The following PARD3B variants were observed in gnomAD, a reference collection of about 807,000 sequenced individuals.
The protein encoded by PARD3B is partitioning defective 3 homolog B.
Under a neutral mutation model 130.2 loss-of-function variants are expected in PARD3B, and 103 were observed. The ratio of observed to expected loss-of-function variants is 0.79; its 90% CI spans 0.67 to 0.93. The LOEUF is 0.93. Ranked by LOEUF, PARD3B falls within the 40% of genes least tolerant of loss-of-function variation. The probability of loss-of-function intolerance (pLI) is 0.00; values close to 1 mark genes in which losing one functional copy is unlikely to be tolerated. For missense variants in PARD3B, 1,609 were observed against 1,499.2 expected, an observed-to-expected ratio of 1.07 and a Z score of -1.21; for synonymous variants, 583 against 553.2, an observed-to-expected ratio of 1.05 and a Z score of -0.76.
intron 18 of PARD3B, among the ~76,000 whole-genome samples, chr2:205,338,353 G>A (rs935762624): frequency 6.6e-6 from 1 of 151,974 alleles, no homozygotes; most frequent in African/African-American, 2.4e-5. Flanking sequence ...TTTCCACTTT[G>A]TCATCTGTTC....
At chr2:205,284,829 C>A (rs2041328391) in intron 16 of PARD3B, among the ~76,000 whole-genome samples, 1 of 151,996 alleles carries the variant, frequency 6.6e-6, no homozygotes, top group South Asian at 2.1e-4. Context: ...TTATTTTTCC[C>A]CCCATGGCTA....
chr2:205,091,967 T>C lies in PARD3B; in HGVS notation c.505-12459T>C, dbSNP rs1702138772. 1.3e-5 allele frequency among the ~76,000 whole-genome samples: 2 copies of C among 152,266 alleles called. No individual in the cohort carries two copies. Among genetic ancestry groups the C allele is most frequent in the South Asian group, 4.2e-4 (2 of 4,816 alleles). Reference sequence around the variant, plus strand: ...GGTTTGCTAGCCCTGTTATTTCTCATTTGATGATATAGTTTTGTTGAATAA... The same window carrying C: ...GGTTTGCTAGCCCTGTTATTTCTCACTTGATGATATAGTTTTGTTGAATAA... On this transcript the variant is annotated intron_variant, in intron 4 of 22. Coordinates refer to ENST00000406610, the MANE Select transcript of PARD3B (RefSeq NM_001302769.2). The surrounding 1 kb of genome is among the most constrained non-coding windows in gnomAD (Gnocchi z 4.2).
intron 3 of PARD3B, among the ~76,000 whole-genome samples, chr2:205,007,510 A>G (rs1256519090): frequency 6.6e-6 from 1 of 151,732 alleles, no homozygotes; most frequent in African/African-American, 2.4e-5. Flanking sequence ...TTATTTCTGG[A>G]TTCTCTATTC....
chr2:205,571,885 G>A (rs2106549091), intron 22 of PARD3B, among the ~76,000 whole-genome samples: 1 of 152,308 alleles, frequency 6.6e-6, no homozygotes, highest in East Asian at 1.9e-4. Flanking sequence ...TTATGCATAG[G>A]AAGAAAGTTA....
chr2:205,526,147 A>G (rs944354508), intron 21 of PARD3B, among the ~76,000 whole-genome samples: 1 of 152,176 alleles, frequency 6.6e-6, no homozygotes, highest in African/African-American at 2.4e-5. Flanking sequence ...AATCTTGAAC[A>G]TAGATTCTGT....
intron 2 of PARD3B, among the ~76,000 whole-genome samples, chr2:204,804,550 A>G (rs2042695472): frequency 6.6e-6 from 1 of 152,180 alleles, no homozygotes; most frequent in Non-Finnish European, 1.5e-5. Flanking sequence ...ATAGCTGGAG[A>G]CTTCACTCTG....
chr2:204,971,833 A>AT (rs1691740097), intron 3 of PARD3B, among the ~76,000 whole-genome samples: 2 of 120,138 alleles, frequency 1.7e-5, no homozygotes, highest in Admixed American at 7.8e-5. Context: ...GTTTTGTTTT[A>AT]ATTTTTTTTT....
At chr2:204,915,926 T>A (rs748773810) in intron 2 of PARD3B, among the ~76,000 whole-genome samples, 30 of 152,210 alleles carry the variant, frequency 2.0e-4, no homozygotes, top group Non-Finnish European at 3.8e-4. Context: ...TGGCTGTGAA[T>A]TTGACTGCTG....
intron 4 of PARD3B, among the ~76,000 whole-genome samples, chr2:205,076,720 C>A (rs1426988487): frequency 6.6e-6 from 1 of 152,108 alleles, no homozygotes; most frequent in Non-Finnish European, 1.5e-5. Context: ...TTACGAGAAT[C>A]TAACTAATGC....
rs185492878 is a variant in PARD3B, at chr2:205,366,469, G to A, written c.2631-34544G>A. Among the ~76,000 whole-genome samples, 11 of 152,234 alleles carry A rather than the reference G, an allele frequency of 7.2e-5. No individual in the cohort carries two copies. Among genetic ancestry groups the A allele is most frequent in the Admixed American group, 1.3e-4 (2 of 15,286 alleles). On this transcript the variant is annotated intron_variant, in intron 18 of 22. Coordinates refer to ENST00000406610, the MANE Select transcript of PARD3B (RefSeq NM_001302769.2). This position sits in a 1 kb window ranked among gnomAD's most constrained non-coding sequence, Gnocchi z 5.0. The stretch of plus-strand genomic sequence containing the variant: ...TATTTATGAAGTGTCTTTTTCTGAC[G>A]AGTTTAAAAGATTCTGTAATTCACT...
intron 18 of PARD3B, among the ~76,000 whole-genome samples, chr2:205,371,254 G>C (rs968170568): frequency 6.6e-6 from 1 of 152,142 alleles, no homozygotes; most frequent in African/African-American, 2.4e-5. Flanking sequence ...TGAAGTTACA[G>C]ATTGCTCAGC....
At position 205,352,163 on chromosome 2, in the gene PARD3B, C is replaced by T. The variant is rs988185829; in HGVS notation, c.2631-48850C>T. 3.3e-5 allele frequency among the ~76,000 whole-genome samples: 5 copies of T among 152,112 alleles called. No homozygotes were observed. The highest frequency in any genetic ancestry group is 1.9e-4 in the East Asian group (1 of 5,178). On this transcript the variant is annotated intron_variant, in intron 18 of 22. Coordinates refer to ENST00000406610, the MANE Select transcript of PARD3B (RefSeq NM_001302769.2). This position sits in a 1 kb window ranked among gnomAD's most constrained non-coding sequence, Gnocchi z 5.2. The stretch of plus-strand genomic sequence containing the variant: ...TTGAGCTTAGTGCTTTTTGTAGGGT[C>T]GGCATATTATAGGTTTCCCTCATAA...
At chr2:205,111,230 G>C (rs1330628158) in intron 5 of PARD3B, among the ~76,000 whole-genome samples, 1 of 151,904 alleles carries the variant, frequency 6.6e-6, no homozygotes, top group South Asian at 2.1e-4. Context: ...AAGTCTGCTA[G>C]GCTTTTTTTC....
At chr2:205,429,763 G>C (rs1451584370) in intron 19 of PARD3B, among the ~76,000 whole-genome samples, 2 of 152,118 alleles carry the variant, frequency 1.3e-5, no homozygotes, top group African/African-American at 2.4e-5. Flanking sequence ...CCATCAACTT[G>C]GTGCCTTTAC....
At chr2:204,829,454 G>A (rs900849610) in intron 2 of PARD3B, among the ~76,000 whole-genome samples, 1 of 152,212 alleles carries the variant, frequency 6.6e-6, no homozygotes, top group African/African-American at 2.4e-5. Context: ...GCTCTTAGGA[G>A]AGAGGGCATT....
At chr2:205,271,419 A>G (rs545585674) in intron 16 of PARD3B, among the ~76,000 whole-genome samples, 1 of 152,346 alleles carries the variant, frequency 6.6e-6, no homozygotes, top group East Asian at 1.9e-4. Context: ...CTGCTATGTG[A>G]TCATGATTGA....
chr2:205,043,296 T>C (rs906467539), intron 3 of PARD3B, among the ~76,000 whole-genome samples: 2 of 152,168 alleles, frequency 1.3e-5, no homozygotes, highest in Non-Finnish European at 2.9e-5. Context: ...TAACAAGTGC[T>C]ATTACCTACT....
chr2:204,821,253 T>C (rs2043340554), intron 2 of PARD3B, among the ~76,000 whole-genome samples: 1 of 152,008 alleles, frequency 6.6e-6, no homozygotes, highest in Admixed American at 6.6e-5. Context: ...TCTTTGATAG[T>C]GAATAAGTCC....
rs1171027211 is a variant in PARD3B at position 205,263,891 on chromosome 2, C to A, written c.2185+18069C>A. Reference sequence around the variant, plus strand: ...CAAAATTTAAGGATAAGCAAAGGCACAAGTAGACTATTTACTAGGTTATTT... The same window carrying A: ...CAAAATTTAAGGATAAGCAAAGGCAAAAGTAGACTATTTACTAGGTTATTT... On this transcript the variant is annotated intron_variant, in intron 16 of 22. Transcript: ENST00000406610. The surrounding 1 kb of genome is among the most constrained non-coding windows in gnomAD (Gnocchi z 4.0). Among the ~76,000 whole-genome samples the A allele has an allele frequency of 6.6e-6, 1 of 151,102 alleles. No individual in the cohort carries two copies. Among genetic ancestry groups the A allele is most frequent in the Non-Finnish European group, 1.5e-5 (1 of 67,618 alleles).
Sources: gnomAD v4.1 joint callset for allele counts (sites outside exome capture counted in the v4.1 genomes callset) on GRCh38, gnomAD v4.1.1 for gene constraint, Gnocchi (gnomAD v3.1) non-coding constraint, MANE v1.5 for transcripts, NCBI Gene and HGNC (gene_info 2026-07-23, HGNC 2026-07-21) for gene names.